CNTN1: variants seen among roughly 807,000 people sequenced by gnomAD.
CNTN1 encodes the protein contactin 1.
A neutral mutation model predicts 126.4 loss-of-function variants in CNTN1; 38 were observed. The observed-to-expected ratio is 0.30, with a 90% CI of 0.23 to 0.39. The LOEUF (loss-of-function observed/expected upper bound fraction) is 0.39. Ranked by LOEUF, CNTN1 falls within the 10% of genes least tolerant of loss-of-function variation. The pLI is 1.00. For missense variants in CNTN1, 1,009 were observed against 1,248.4 expected (o/e 0.81, Z 2.89); for synonymous variants, 413 against 422.6 (o/e 0.98, Z 0.28).
chr12:40,863,912 C>T (rs1943198436), intron 1 of CNTN1, among the ~76,000 whole-genome samples: 1 of 143,798 alleles, frequency 7.0e-6, no homozygotes, highest in Non-Finnish European at 1.5e-5. Context: ...CTGGACCGAC[C>T]TTCCTTCCTT....
At chr12:40,705,915 C>T (rs1014666570) in intron 1 of CNTN1, among the ~76,000 whole-genome samples, 10 of 151,684 alleles carry the variant, frequency 6.6e-5, no homozygotes, top group African/African-American at 2.2e-4. Flanking sequence ...ACAACCAGAT[C>T]GGTCAAAAGA....
At chr12:41,043,973 G>A (rs1390912480) in intron 23 of CNTN1, among the ~76,000 whole-genome samples, 13 of 124,054 alleles carry the variant, frequency 1.0e-4, no homozygotes, top group African/African-American at 4.0e-4. Flanking sequence ...CACAGGAAGG[G>A]GAACATCACA....
intron 1 of CNTN1, among the ~76,000 whole-genome samples, chr12:40,880,499 T>A (rs1048829113): frequency 1.3e-5 from 2 of 152,048 alleles, no homozygotes; most frequent in African/African-American, 4.8e-5. Flanking sequence ...TCTGCTTAAA[T>A]GATATAGAAG....
intron 1 of CNTN1, among the ~76,000 whole-genome samples, chr12:40,895,440 G>C (rs533681617): frequency 2.0e-5 from 3 of 152,246 alleles, no homozygotes; most frequent in Admixed American, 6.5e-5. Context: ...TATCTGGTGA[G>C]AGCCTCCTTG....
intron 15 of CNTN1, among the ~76,000 whole-genome samples, chr12:40,963,435 C>G (rs184098593): frequency 4.0e-4 from 61 of 152,034 alleles, no homozygotes; most frequent in African/African-American, 1.4e-3. Context: ...TTCAGAATCA[C>G]CCCTTTAAGA....
At chr12:40,984,793 A>G (rs910263973) in intron 16 of CNTN1, among the ~76,000 whole-genome samples, 1 of 152,116 alleles carries the variant, frequency 6.6e-6, no homozygotes, top group Admixed American at 6.6e-5. Flanking sequence ...AATATATTAC[A>G]TTTAAATATA....
chr12:40,794,324 C>T (rs866142022), intron 1 of CNTN1, among the ~76,000 whole-genome samples: 11 of 152,048 alleles, frequency 7.2e-5, no homozygotes, highest in Admixed American at 2.6e-4. Context: ...AAGAGTTGTG[C>T]CAGCCAGTAC....
chr12:40,856,032 T>C (rs1054751266), intron 1 of CNTN1, among the ~76,000 whole-genome samples: 12 of 152,118 alleles, frequency 7.9e-5, no homozygotes, highest in African/African-American at 2.4e-4. Context: ...TCAATGCACA[T>C]TAAATTTTGG....
chr12:40,865,673 A>G (rs1204109561), intron 1 of CNTN1, among the ~76,000 whole-genome samples: 2 of 152,024 alleles, frequency 1.3e-5, no homozygotes, highest in Non-Finnish European at 2.9e-5. Context: ...ATTCTGTCCT[A>G]TTGATCTATA....
intron 16 of CNTN1, among the ~76,000 whole-genome samples, chr12:40,982,592 A>G (rs1266045430): frequency 1.3e-5 from 2 of 152,172 alleles, no homozygotes; most frequent in African/African-American, 4.8e-5. Flanking sequence ...TAGCACCTAT[A>G]TCAGGGCCCA....
chr12:40,958,631 A>G (rs559010403), intron 14 of CNTN1, among the ~76,000 whole-genome samples: 75 of 152,132 alleles, frequency 4.9e-4, no homozygotes, highest in African/African-American at 1.7e-3. Context: ...GGAATTGTAC[A>G]TTTTCTCAAT....
chr12:40,756,453 G>A (rs761259947), intron 1 of CNTN1, among the ~76,000 whole-genome samples: 2 of 152,092 alleles, frequency 1.3e-5, no homozygotes, highest in African/African-American at 2.4e-5. Flanking sequence ...TTTCAGAGGA[G>A]CCATGTGTAT....
At chr12:40,879,184 T>C (rs1943788957) in intron 1 of CNTN1, among the ~76,000 whole-genome samples, 1 of 152,116 alleles carries the variant, frequency 6.6e-6, no homozygotes, top group South Asian at 2.1e-4. Flanking sequence ...TTTAATTATA[T>C]ATATTAAATT....
intron 1 of CNTN1, among the ~76,000 whole-genome samples, chr12:40,818,525 T>C (rs1592121592): frequency 6.6e-6 from 1 of 152,332 alleles, no homozygotes; most frequent in East Asian, 1.9e-4. Context: ...CATCATGTAA[T>C]TTATATTCCT....
chr12:41,048,343 C>A (rs1273431783), intron 23 of CNTN1, among the ~76,000 whole-genome samples: 1 of 152,104 alleles, frequency 6.6e-6, no homozygotes, highest in Non-Finnish European at 1.5e-5. Flanking sequence ...CCTTTAATTT[C>A]TAACACATCT....
intron 4 of CNTN1, among the ~76,000 whole-genome samples, chr12:40,922,010 C>A (rs780001911): frequency 1.3e-5 from 2 of 151,986 alleles, no homozygotes; most frequent in East Asian, 1.9e-4. Context: ...ACTTGAGATA[C>A]CTCACAAAAA....
At chr12:40,855,680 G>GA (rs1305140172) in intron 1 of CNTN1, among the ~76,000 whole-genome samples, 1 of 151,880 alleles carries the variant, frequency 6.6e-6, no homozygotes, top group Non-Finnish European at 1.5e-5. Flanking sequence ...TTCAAATTCT[G>GA]AAAAAATTGT....
chr12:40,778,818 G>T (rs1217631082), intron 1 of CNTN1, among the ~76,000 whole-genome samples: 1 of 151,700 alleles, frequency 6.6e-6, no homozygotes, highest in African/African-American at 2.4e-5. Context: ...ATATAATAGT[G>T]GGGAAAAGTC....
At chr12:41,044,059 T>G in intron 23 of CNTN1, among the ~76,000 whole-genome samples, 1 of 145,690 alleles carries the variant, frequency 6.9e-6, no homozygotes, top group Non-Finnish European at 1.5e-5. Context: ...AAATGACGAG[T>G]TAATGGGTGC....
Sources: allele counts gnomAD v4.1 joint callset (sites outside exome capture counted in the v4.1 genomes callset), GRCh38; gene constraint gnomAD v4.1.1; transcripts MANE v1.5; gene names NCBI Gene and HGNC (gene_info 2026-07-23, HGNC 2026-07-21).